ANKRD36: variants seen among roughly 807,000 people sequenced by gnomAD.
ANKRD36 encodes the protein ankyrin repeat domain-containing protein 36A.
Under a neutral mutation model 278.1 loss-of-function variants are expected in ANKRD36, and 179 were observed. The observed-to-expected ratio is 0.64, with a 90% CI of 0.57 to 0.73. The LOEUF is 0.73. ANKRD36 is among the 30% of genes least tolerant of loss of function. The pLI is 0.00. For missense variants in ANKRD36, 1,159 were observed against 1,956.7 expected (o/e 0.59, Z 7.69); for synonymous variants, 320 against 641.1 (o/e 0.50, Z 7.57).
intron 48 of ANKRD36, 64 bp downstream of exon 48, chr2:97,202,457 A>G (rs1469656587): frequency 8.5e-6 from 13 of 1,536,044 alleles, no homozygotes; most frequent in African/African-American, 1.4e-5. Context: ...CTCTTCCCCA[A>G]ATAAATCAGC....
At chr2:97,197,174 A>C (rs1200065973) in intron 42 of ANKRD36, among the ~76,000 whole-genome samples, 4 of 151,910 alleles carry the variant, frequency 2.6e-5, no homozygotes, top group African/African-American at 9.7e-5. Flanking sequence ...AACTTGTTGT[A>C]ATAACCCGTA....
intron 75 of ANKRD36, among the ~76,000 whole-genome samples, chr2:97,260,765 T>A (rs1166670820): frequency 9.2e-6 from 1 of 108,860 alleles, no homozygotes; most frequent in Non-Finnish European, 1.7e-5. Flanking sequence ...ACATTGAAAA[T>A]CTGTTATTTA....
intron 22 of ANKRD36, among the ~76,000 whole-genome samples, chr2:97,171,651 T>G (rs1220174575): frequency 7.0e-6 from 1 of 143,564 alleles, no homozygotes; most frequent in Non-Finnish European, 1.5e-5. Flanking sequence ...TGTATACATA[T>G]GTAACTAACC....
At chr2:97,160,589 T>G (rs181832722) in intron 17 of ANKRD36, among the ~76,000 whole-genome samples, 4 of 152,240 alleles carry the variant, frequency 2.6e-5, no homozygotes, top group African/African-American at 9.6e-5. Flanking sequence ...AATCTTCAGC[T>G]TGCATGGTGA....
At chr2:97,117,895 G>C (rs549054646) in intron 1 of ANKRD36, among the ~76,000 whole-genome samples, 169 bp from the exon 2 acceptor site, 288 of 151,934 alleles carry the variant, frequency 1.9e-3, no homozygotes, top group Admixed American at 4.5e-3. Context: ...AAAAGCCAAG[G>C]CTTTTCTATT....
intron 18 of ANKRD36, chr2:97,163,926 T>A (rs543297723): frequency 8.9e-7 from 1 of 1,119,968 alleles, no homozygotes; most frequent in South Asian, 2.9e-5. Context: ...GTTTCTAACA[T>A]TTATTCTTCT....
chr2:97,190,555 G>A (rs1403817665), intron 34 of ANKRD36, among the ~76,000 whole-genome samples: 1 of 151,686 alleles, frequency 6.6e-6, no homozygotes, highest in Non-Finnish European at 1.5e-5. Flanking sequence ...TAAAGAGCAT[G>A]ATGAATGTTT....
intron 18 of ANKRD36, chr2:97,163,307 T>C: frequency 2.2e-6 from 1 of 452,620 alleles, no homozygotes; most frequent in Non-Finnish European, 4.4e-6. Context: ...GAAAAAAAAG[T>C]CAATGGTGAT....
chr2:97,178,743 G>T (rs2055174396), intron 22 of ANKRD36, among the ~76,000 whole-genome samples: 1 of 151,388 alleles, frequency 6.6e-6, no homozygotes, highest in African/African-American at 2.4e-5. Flanking sequence ...ATGAGATAGT[G>T]GGTGCAGCGC....
At chr2:97,134,514 A>T (rs1490492604) in intron 6 of ANKRD36, among the ~76,000 whole-genome samples, 1 of 152,104 alleles carries the variant, frequency 6.6e-6, no homozygotes, top group Non-Finnish European at 1.5e-5. Context: ...GCTAGTAAAT[A>T]CTGTAGGCAT....
At position 97,192,922 on chromosome 2, in the gene ANKRD36, A is replaced by T. The variant is rs565429299; in HGVS notation, c.2376+36A>T. 23 of 1,602,186 alleles carry T rather than the reference A, an allele frequency of 1.4e-5. No individual in the cohort carries two copies. In the South Asian group the frequency reaches 2.3e-4, roughly 16 times the overall value. On this transcript the variant is annotated intron_variant, in intron 37 of 75. Coordinates refer to ENST00000420699, the MANE Select transcript of ANKRD36 (RefSeq NM_001354587.1). ...ACTCATTTATATTGTGAATGAGTTA[A>T]GGTATGGTCTATGAAACATACTTTA...
rs753131881 is a variant in ANKRD36, at chr2:97,200,060, TA to T, written c.2756-273del. Reference sequence around the variant, plus strand: ...TCACATTTGTTCTCATCACTCGGCATATCCACATTGAGATTGACACGGTTTT... The same window carrying T: ...TCACATTTGTTCTCATCACTCGGCATTCCACATTGAGATTGACACGGTTTT... On this transcript the variant is annotated intron_variant, in intron 44 of 75. Transcript: ENST00000420699. 2.4e-4 allele frequency among the ~76,000 whole-genome samples: 36 copies of T among 152,006 alleles called. 7 individuals carry two copies. The highest frequency in any genetic ancestry group is 5.2e-4 in the Admixed American group (8 of 15,246).
chr2:97,195,161 A>G (rs1173376443), intron 40 of ANKRD36, among the ~76,000 whole-genome samples: 1 of 152,010 alleles, frequency 6.6e-6, no homozygotes, highest in Non-Finnish European at 1.5e-5. Context: ...AGTTGAAGAC[A>G]TAAGGGGCTC....
intron 18 of ANKRD36, among the ~76,000 whole-genome samples, chr2:97,162,725 G>T (rs1369361128): frequency 8.3e-5 from 12 of 144,106 alleles, no homozygotes; most frequent in African/African-American, 2.0e-4. Context: ...CTCTATAGGG[G>T]TTACACATCA....
chr2:97,184,954 A>G (rs2057078586), intron 28 of ANKRD36, among the ~76,000 whole-genome samples: 1 of 151,760 alleles, frequency 6.6e-6, no homozygotes, highest in African/African-American at 2.4e-5. Context: ...CATGAAAGAC[A>G]TGGAGGATGA....
chr2:97,165,033 G>A (rs1460445434), intron 20 of ANKRD36, among the ~76,000 whole-genome samples: 2 of 152,092 alleles, frequency 1.3e-5, no homozygotes, highest in Non-Finnish European at 1.5e-5. Flanking sequence ...ATGATTCTGA[G>A]CTGTTTTGGC....
intron 54 of ANKRD36, among the ~76,000 whole-genome samples, 184 bp downstream of exon 54, chr2:97,208,190 G>C (rs2063386803): frequency 6.8e-6 from 1 of 146,428 alleles, no homozygotes; most frequent in Admixed American, 6.8e-5. Flanking sequence ...GATCTTCGCA[G>C]TAAGATTATA....
chr2:97,197,738 T>C (rs538707258), intron 42 of ANKRD36, among the ~76,000 whole-genome samples: 1 of 152,076 alleles, frequency 6.6e-6, no homozygotes, highest in Non-Finnish European at 1.5e-5. Context: ...TGTTTTACTT[T>C]GTATAGGTAT....
intron 56 of ANKRD36, among the ~76,000 whole-genome samples, chr2:97,211,263 C>T (rs1241526986): frequency 3.9e-5 from 6 of 151,918 alleles, no homozygotes; most frequent in African/African-American, 1.2e-4. Flanking sequence ...TTGTCCTCAT[C>T]ACCCGGCATA....
Sources: gnomAD v4.1 joint callset for allele counts (sites outside exome capture counted in the v4.1 genomes callset) on GRCh38, gnomAD v4.1.1 for gene constraint, MANE v1.5 for transcripts, NCBI Gene and HGNC (gene_info 2026-07-23, HGNC 2026-07-21) for gene names.